The following PLCG2 variants were observed in gnomAD, a reference collection of about 807,000 sequenced individuals.
The protein encoded by PLCG2 is phospholipase C gamma 2.
A neutral mutation model predicts 175.6 loss-of-function variants in PLCG2; 69 were observed. The observed-to-expected ratio is 0.39, with a 90% CI of 0.32 to 0.48. The LOEUF (loss-of-function observed/expected upper bound fraction) is 0.48, where lower values mean the gene tolerates loss of function less well. PLCG2 is among the 20% of genes least tolerant of loss of function. PLCG2 has a pLI of 0.91. For missense variants in PLCG2, 1,798 were observed against 1,650.9 expected (o/e 1.09, Z -1.54); for synonymous variants, 827 against 624.0 (o/e 1.33, Z -4.85).
intron 2 of PLCG2, among the ~76,000 whole-genome samples, chr16:81,800,525 T>A (rs1911673183): frequency 6.6e-6 from 1 of 152,176 alleles, no homozygotes; most frequent in South Asian, 2.1e-4. Flanking sequence ...TTCATCTATG[T>A]CCCTGCGAAG....
chr16:81,746,060 A>G (rs1201980183), intron 1 of PLCG2, among the ~76,000 whole-genome samples: 1 of 152,130 alleles, frequency 6.6e-6, no homozygotes, highest in Non-Finnish European at 1.5e-5. Flanking sequence ...CAGGGAAGGA[A>G]TTTCATGGCC....
At chr16:81,794,412 G>A (rs1368756243) in intron 2 of PLCG2, among the ~76,000 whole-genome samples, 1 of 152,138 alleles carries the variant, frequency 6.6e-6, no homozygotes, top group Non-Finnish European at 1.5e-5. Flanking sequence ...GTCTGAGGGT[G>A]GTCCCCAAGC....
intron 32 of PLCG2, 65 bp downstream of exon 32, chr16:81,956,944 C>T (rs931962399): frequency 2.9e-6 from 4 of 1,382,672 alleles, no homozygotes; most frequent in Non-Finnish European, 4.0e-6. Flanking sequence ...TGATGGGCAC[C>T]ACGGGCCAGG....
At chr16:81,916,819 G>T (rs1385814931) in intron 19 of PLCG2, among the ~76,000 whole-genome samples, 1 of 152,056 alleles carries the variant, frequency 6.6e-6, no homozygotes, top group Non-Finnish European at 1.5e-5. Flanking sequence ...TGTATTTTTG[G>T]TAAAGGTGGG....
intron 31 of PLCG2, among the ~76,000 whole-genome samples, chr16:81,946,679 C>A (rs145694307): frequency 6.6e-6 from 1 of 152,154 alleles, no homozygotes; most frequent in Non-Finnish European, 1.5e-5. Context: ...ATTAATCACC[C>A]CCCAAGCTGA....
At chr16:81,914,798 G>A (rs770904537) in intron 19 of PLCG2, among the ~76,000 whole-genome samples, 3 of 152,140 alleles carry the variant, frequency 2.0e-5, no homozygotes, top group African/African-American at 4.8e-5. Context: ...GTTGGTGAAT[G>A]CTGGCTCAGT....
intron 2 of PLCG2, among the ~76,000 whole-genome samples, chr16:81,772,459 G>C (rs1910302397): frequency 6.6e-6 from 1 of 152,036 alleles, no homozygotes; most frequent in Admixed American, 6.5e-5. Flanking sequence ...TGTTACGGCA[G>C]CCTTTGGAAG....
rs185307548 is a variant in PLCG2, at chr16:81,923,532, C to G, written c.2355C>G (p.Ser785Arg). ...KALYDYKAKR[S>R]DELSFCRGAL... is the part of the protein sequence containing the mutation. ...TGTATGACTACAAAGCCAAGCGAAG[C>G]GATGAGCTGAGCTTCTGCCGTGGTG... is the stretch of plus-strand genomic sequence containing the variant. Residue 785 changes from serine (S) to arginine (R), a missense_variant, in exon 22 of 33, where the codon AGC becomes AGG. Ser to Arg is a moderately radical substitution (Grantham distance 110, BLOSUM62 -1). Transcript: ENST00000564138. The G allele has an allele frequency of 6.2e-7, 1 of 1,613,750 alleles. No individual in the cohort carries two copies. Among genetic ancestry groups the G allele is most frequent in the African/African-American group, 1.3e-5 (1 of 75,036 alleles).
At chr16:81,920,991 C>G (rs1910036925) in intron 20 of PLCG2, among the ~76,000 whole-genome samples, 1 of 152,280 alleles carries the variant, frequency 6.6e-6, no homozygotes, top group African/African-American at 2.4e-5. Context: ...GACAGGGCCT[C>G]TCTGATTTTG....
At chr16:81,956,598 C>G (rs1278069421) in intron 31 of PLCG2, 97 bp from the exon 32 acceptor site, 2 of 1,075,360 alleles carry the variant, frequency 1.9e-6, no homozygotes, top group South Asian at 3.4e-5. Flanking sequence ...ACTTCTGCCC[C>G]ATGCTCCCTT....
At chr16:81,839,071 A>G (rs184719035) in intron 2 of PLCG2, among the ~76,000 whole-genome samples, 1 of 152,224 alleles carries the variant, frequency 6.6e-6, no homozygotes, top group Admixed American at 6.5e-5. Flanking sequence ...GGTAGAATTT[A>G]ATCATATTGT....
chr16:81,743,494 G>T (rs1008069895), intron 1 of PLCG2, among the ~76,000 whole-genome samples: 9 of 152,264 alleles, frequency 5.9e-5, no homozygotes, highest in African/African-American at 1.4e-4. Flanking sequence ...GCTGGAAGGA[G>T]TGAGGGACAT....
At chr16:81,953,061 G>A (rs1911431097) in intron 31 of PLCG2, among the ~76,000 whole-genome samples, 3 of 152,156 alleles carry the variant, frequency 2.0e-5, no homozygotes, top group African/African-American at 2.4e-5. Context: ...AAACTGCATC[G>A]CCTCAAACAA....
intron 18 of PLCG2, 79 bp from the exon 19 acceptor site, chr16:81,912,518 T>C: frequency 6.5e-7 from 1 of 1,543,612 alleles, no homozygotes; most frequent in Non-Finnish European, 8.7e-7. Context: ...ACTGGTGCCA[T>C]TATCTTGTCC....
At position 81,958,690 on chromosome 16, in the gene PLCG2, G is replaced by C; in HGVS notation, c.*692G>C. ...TCTTTGTTTTAAAAAGCCCATCAGA[G>C]AGACCAGAGCCGTGCTGCAGGGGCA... On this transcript the variant is annotated 3_prime_UTR_variant, in exon 33 of 33. Transcript: ENST00000564138. 4.5e-6 allele frequency: 1 copy of C among 221,856 alleles called. No homozygotes were observed. Among genetic ancestry groups the C allele is most frequent in the Admixed American group, 5.7e-5 (1 of 17,446 alleles). 13.7% of individuals were successfully genotyped at this position (221,856 alleles called of 1,614,324 possible). A position where few individuals can be genotyped will look rare whatever the true frequency, so the allele number is the denominator to read the frequency against.
chr16:81,931,716 T>C, intron 25 of PLCG2, 62 bp downstream of exon 25: 1 of 1,487,448 alleles, frequency 6.7e-7, no homozygotes, highest in South Asian at 1.2e-5. Context: ...GGTGCTCAGT[T>C]GGGACTGTGG....
Position 81,938,620 on chromosome 16 carries a change from G to A in PLCG2, c.3199-181G>A, listed in dbSNP as rs1422006542. 7 of 587,342 alleles carry A rather than the reference G, an allele frequency of 1.2e-5. No homozygotes were observed. In the East Asian group the frequency reaches 2.0e-4, roughly 16 times the overall value. 36.4% of individuals were successfully genotyped at this position (587,342 alleles called of 1,614,324 possible). ...CCAGGCTGATGCTGAGGAACTGTGG[G>A]ATCTACCACAGTCCACCTTCATCCA... On this transcript the variant is annotated intron_variant, in intron 28 of 32. Transcript: ENST00000564138.
At chr16:81,927,690 A>C (rs1910332666) in intron 23 of PLCG2, among the ~76,000 whole-genome samples, 2 of 152,256 alleles carry the variant, frequency 1.3e-5, no homozygotes, top group South Asian at 2.1e-4. Context: ...TGTAATGAGG[A>C]TTTTAAGATC....
chr16:81,862,799 G>A (rs1907046997), intron 5 of PLCG2, among the ~76,000 whole-genome samples: 2 of 152,060 alleles, frequency 1.3e-5, no homozygotes, highest in Non-Finnish European at 2.9e-5. Flanking sequence ...TGAGCCCAGG[G>A]AGGTCAAGGC....
Sources: gnomAD v4.1 joint callset for allele counts (sites outside exome capture counted in the v4.1 genomes callset) on GRCh38, gnomAD v4.1.1 for gene constraint, MANE v1.5 for transcripts, NCBI Gene and HGNC (gene_info 2026-07-23, HGNC 2026-07-21) for gene names.